Variants in ATXN7L1 observed in about 807,000 individuals in gnomAD.
The protein encoded by ATXN7L1 is ataxin-7-like protein 1.
A neutral mutation model predicts 70.8 loss-of-function variants in ATXN7L1; 15 were observed. That is an observed-to-expected ratio of 0.21 (90% CI 0.14 to 0.33). ATXN7L1 has a LOEUF of 0.33. Among genes scored for constraint, ATXN7L1 ranks in the 10% least tolerant of loss-of-function variants. The probability of loss-of-function intolerance (pLI) is 1.00; values close to 1 mark genes in which losing one functional copy is unlikely to be tolerated. For synonymous variants in ATXN7L1, 440 were observed against 445.1 expected (o/e 0.99, Z 0.14); for missense variants, 975 against 1,097.1 (o/e 0.89, Z 1.57).
At chr7:105,637,706 T>C (rs2115893622) in intron 7 of ATXN7L1, among the ~76,000 whole-genome samples, 1 of 152,274 alleles carries the variant, frequency 6.6e-6, no homozygotes, top group East Asian at 1.9e-4. Flanking sequence ...GTTAATTCTG[T>C]TTTCTATTTT....
chr7:105,758,415 G>A (rs909529778), intron 3 of ATXN7L1, among the ~76,000 whole-genome samples: 1 of 152,216 alleles, frequency 6.6e-6, no homozygotes, highest in Admixed American at 6.5e-5. Context: ...AGACAAGGCT[G>A]GCTGAGCAGT....
intron 2 of ATXN7L1, chr7:105,819,893 T>C (rs1003489674): frequency 2.0e-5 from 11 of 560,542 alleles, no homozygotes; most frequent in African/African-American, 1.9e-5. Flanking sequence ...ACAAGAAACT[T>C]TGCCTACGTG....
At chr7:105,761,199 C>G in intron 3 of ATXN7L1, 1 of 1,423,012 alleles carries the variant, frequency 7.0e-7, no homozygotes, top group Non-Finnish European at 9.2e-7. Flanking sequence ...CTGCTCTGCT[C>G]AAGCCCATTT....
chr7:105,798,634 T>G (rs899800472), intron 2 of ATXN7L1, among the ~76,000 whole-genome samples: 1 of 152,228 alleles, frequency 6.6e-6, no homozygotes, highest in Non-Finnish European at 1.5e-5. Context: ...CACCCTATCA[T>G]TCACAGTTCC....
chr7:105,852,202 C>T (rs868494357), intron 2 of ATXN7L1, among the ~76,000 whole-genome samples: 1 of 152,190 alleles, frequency 6.6e-6, no homozygotes, highest in Non-Finnish European at 1.5e-5. Flanking sequence ...ACAGGCAGCC[C>T]TATACTACTG....
At chr7:105,645,254 T>C (rs952915807) in intron 4 of ATXN7L1, among the ~76,000 whole-genome samples, 4 of 152,200 alleles carry the variant, frequency 2.6e-5, no homozygotes, top group Non-Finnish European at 5.9e-5. Flanking sequence ...GTAAATTTTA[T>C]GTTATGCTTA....
chr7:105,690,308 A>G (rs1326625641), intron 3 of ATXN7L1, among the ~76,000 whole-genome samples: 2 of 152,160 alleles, frequency 1.3e-5, no homozygotes, highest in African/African-American at 4.8e-5. Flanking sequence ...CCCAGCAAAA[A>G]AAAGCATTCA....
At chr7:105,759,084 A>G (rs558663812) in intron 3 of ATXN7L1, among the ~76,000 whole-genome samples, 4 of 151,890 alleles carry the variant, frequency 2.6e-5, no homozygotes, top group African/African-American at 9.6e-5. Context: ...TACTACACAG[A>G]AAATGTTAAA....
At chr7:105,641,004 G>A (rs948282049) in intron 5 of ATXN7L1, among the ~76,000 whole-genome samples, 3 of 152,190 alleles carry the variant, frequency 2.0e-5, no homozygotes, top group Non-Finnish European at 4.4e-5. Flanking sequence ...AGTAAACTCC[G>A]AGCATATAAC....
At chr7:105,627,657 G>A (rs903706592) in intron 7 of ATXN7L1, among the ~76,000 whole-genome samples, 3 of 151,306 alleles carry the variant, frequency 2.0e-5, no homozygotes, top group Non-Finnish European at 4.4e-5. Flanking sequence ...TTAGCATCCC[G>A]AGTAGCTGGG....
At chr7:105,834,769 A>T (rs931405326) in intron 2 of ATXN7L1, among the ~76,000 whole-genome samples, 3 of 152,188 alleles carry the variant, frequency 2.0e-5, no homozygotes, top group Non-Finnish European at 4.4e-5. Flanking sequence ...TTCAGAGAAC[A>T]TGACTAGAAC....
intron 3 of ATXN7L1, among the ~76,000 whole-genome samples, chr7:105,757,934 C>T (rs1425342115): frequency 6.6e-6 from 1 of 152,084 alleles, no homozygotes; most frequent in East Asian, 1.9e-4. Context: ...CCTGCCTGGG[C>T]CCTGGTACAC....
intron 5 of ATXN7L1, among the ~76,000 whole-genome samples, chr7:105,641,214 C>CTCTCTCTTT (rs1316374331): frequency 9.2e-5 from 2 of 21,784 alleles, no homozygotes; most frequent in South Asian, 2.7e-3. Flanking sequence ...CTCTCTCTCT[C>CTCTCTCTTT]TTTTTTTTTT....
chr7:105,812,564 C>G (rs1563113482), intron 2 of ATXN7L1, among the ~76,000 whole-genome samples: 2 of 152,164 alleles, frequency 1.3e-5, no homozygotes, highest in Non-Finnish European at 2.9e-5. Flanking sequence ...TAATACGAAA[C>G]AAAGCAGGAC....
intron 11 of ATXN7L1, among the ~76,000 whole-genome samples, chr7:105,609,317 G>C (rs539070488): frequency 6.6e-6 from 1 of 151,114 alleles, no homozygotes; most frequent in African/African-American, 2.4e-5. Context: ...TTACAGGTGC[G>C]CACCACCATG....
At chr7:105,829,231 G>A (rs1811266366) in intron 2 of ATXN7L1, among the ~76,000 whole-genome samples, 1 of 152,122 alleles carries the variant, frequency 6.6e-6, no homozygotes, top group Non-Finnish European at 1.5e-5. Context: ...AGACCAGCCT[G>A]GCCAATATGG....
intron 2 of ATXN7L1, among the ~76,000 whole-genome samples, chr7:105,851,177 G>A (rs1427440269): frequency 6.6e-6 from 1 of 152,108 alleles, no homozygotes. Flanking sequence ...CTATAGGATG[G>A]CAGCTGGTGA....
intron 2 of ATXN7L1, among the ~76,000 whole-genome samples, chr7:105,806,453 T>G (rs1423938634): frequency 6.6e-6 from 1 of 152,144 alleles, no homozygotes; most frequent in East Asian, 1.9e-4. Context: ...TACTTTCTTA[T>G]AGCAGCCCGA....
At chr7:105,766,006 A>T (rs375065264) in intron 3 of ATXN7L1, among the ~76,000 whole-genome samples, 1 of 151,944 alleles carries the variant, frequency 6.6e-6, no homozygotes, top group East Asian at 1.9e-4. Flanking sequence ...GAAGAATGTG[A>T]CCTATGGCCA....
Sources: allele counts gnomAD v4.1 joint callset (sites outside exome capture counted in the v4.1 genomes callset), GRCh38; gene constraint gnomAD v4.1.1; transcripts MANE v1.5; gene names NCBI Gene and HGNC (gene_info 2026-07-23, HGNC 2026-07-21).